The following ZNF536 variants were observed in gnomAD, a reference collection of about 807,000 sequenced individuals.
ZNF536 encodes the protein zinc finger protein 536.
Under a neutral mutation model 84.5 loss-of-function variants are expected in ZNF536, and 13 were observed. The observed-to-expected ratio is 0.15, with a 90% CI of 0.10 to 0.24. ZNF536 has a LOEUF of 0.24. Among genes scored for constraint, ZNF536 ranks in the 10% least tolerant of loss-of-function variants. ZNF536 has a pLI of 1.00. For missense variants in ZNF536, 1,536 were observed against 1,747.5 expected (o/e 0.88, Z 2.16); for synonymous variants, 811 against 742.5 (o/e 1.09, Z -1.50).
In ZNF536 at chr19:30,444,301, A is replaced by G. The variant is rs776933304; in HGVS notation, c.739A>G (p.Ser247Gly). 4 of 1,580,450 alleles carry G rather than the reference A, an allele frequency of 2.5e-6. No individual in the cohort carries two copies. In the South Asian group the frequency reaches 4.5e-5, roughly 18 times the overall value. Reference sequence around the variant, plus strand: ...CACCCTGGCCCTGCAGGCTAACCACAGCGTTCCCGACGTGGCCCACCCGGT... The same window carrying G: ...CACCCTGGCCCTGCAGGCTAACCACGGCGTTCCCGACGTGGCCCACCCGGT... ...ACTLALQANH[S>G]VPDVAHPVPS... The change falls in exon 2 of 5, where the codon AGC (serine) becomes GGC (glycine). Residue 247 changes from serine (S) to glycine (G), a missense_variant. This residue lies in a region of ZNF536 where 138 missense variants were observed against 136.8 expected (regional missense o/e 1.01). Coordinates refer to ENST00000355537, the MANE Select transcript of ZNF536 (RefSeq NM_014717.3).
intron 1 of ZNF536, among the ~76,000 whole-genome samples, chr19:30,571,376 A>G (rs140039386): frequency 2.0e-5 from 3 of 152,316 alleles, no homozygotes; most frequent in Non-Finnish European, 4.4e-5. Context: ...GGAATCTCCC[A>G]AAGAACTCCA....
At chr19:30,425,257 A>T (rs188362969) in intron 1 of ZNF536, among the ~76,000 whole-genome samples, 7 of 151,266 alleles carry the variant, frequency 4.6e-5, no homozygotes, top group East Asian at 2.0e-4. Context: ...AAAAACAAAG[A>T]TGGGAGTGCC....
chr19:30,605,913 A>T (rs2047852355), intron 1 of ZNF536, among the ~76,000 whole-genome samples: 1 of 152,026 alleles, frequency 6.6e-6, no homozygotes, highest in Non-Finnish European at 1.5e-5. Flanking sequence ...AGGGAGTCAA[A>T]TTGCTACTTA....
intron 2 of ZNF536, among the ~76,000 whole-genome samples, chr19:30,455,127 G>A (rs2052780155): frequency 2.6e-5 from 4 of 152,118 alleles, no homozygotes; most frequent in Admixed American, 2.6e-4. Flanking sequence ...TGCTGTTGTT[G>A]TTCAATGACT....
chr19:30,640,907 T>A (rs2049244795), intron 1 of ZNF536, among the ~76,000 whole-genome samples: 1 of 152,168 alleles, frequency 6.6e-6, no homozygotes, highest in Non-Finnish European at 1.5e-5. Context: ...CTGGGGCACA[T>A]CCTGGTTTGG....
chr19:30,559,377 T>G (rs1017169135), downstream of ZNF536, among the ~76,000 whole-genome samples: 35 of 152,316 alleles, frequency 2.3e-4, no homozygotes, highest in African/African-American at 8.4e-4. Context: ...CCACTGCCAG[T>G]GTATATAGGC....
intron 1 of ZNF536, among the ~76,000 whole-genome samples, chr19:30,396,681 A>G (rs1379034727): frequency 6.8e-6 from 1 of 147,012 alleles, no homozygotes; most frequent in Non-Finnish European, 1.5e-5. Context: ...GCTCACTGCA[A>G]CCTCTGCCCC....
intron 2 of ZNF536, among the ~76,000 whole-genome samples, chr19:30,499,043 T>C (rs975890693): frequency 1.3e-5 from 2 of 151,986 alleles, no homozygotes; most frequent in African/African-American, 4.8e-5. Context: ...CTTTTTTTTT[T>C]TTTCAAATGC....
intron 1 of ZNF536, among the ~76,000 whole-genome samples, chr19:30,565,771 T>C (rs951916852): frequency 2.0e-5 from 3 of 152,098 alleles, no homozygotes; most frequent in African/African-American, 7.2e-5. Flanking sequence ...CGCCTCAGGT[T>C]ATGACCTTCC....
In ZNF536 at chr19:30,703,693, A is replaced by C. The variant is rs75210636; in HGVS notation, c.170-7064A>C. Among the ~76,000 whole-genome samples the C allele has an allele frequency of 2.6e-5, 4 of 152,330 alleles. No individual in the cohort carries two copies. The East Asian group carries it at 7.7e-4, about 29-fold the overall frequency. On this transcript the variant is annotated intron_variant, in intron 1 of 1. Transcript: ENST00000592773. ...GTACTTTCGATGAAGAACCAGGCAG[A>C]GCTTCCCCTGAGTCAGCTTAGATCA...
At chr19:30,602,782 A>T (rs1402214397) in intron 1 of ZNF536, among the ~76,000 whole-genome samples, 27 of 152,128 alleles carry the variant, frequency 1.8e-4, no homozygotes, top group Admixed American at 1.8e-3. Flanking sequence ...AAAGGCGGAG[A>T]GGTGTTTTCT....
chr19:30,554,910 T>A (rs1274699041), intron 4 of ZNF536: 1 of 152,226 alleles, frequency 6.6e-6, no homozygotes, highest in East Asian at 1.9e-4. Flanking sequence ...GAGATGGTGA[T>A]GGGAGACCCC....
At chr19:30,561,858 A>T (rs184098280), downstream of ZNF536, among the ~76,000 whole-genome samples, 2 of 152,328 alleles carry the variant, frequency 1.3e-5, no homozygotes, top group African/African-American at 4.8e-5. Flanking sequence ...TAATCAGATA[A>T]TCAGAAGGGA....
chr19:30,571,306 C>T (rs2046537241), intron 1 of ZNF536, among the ~76,000 whole-genome samples: 1 of 151,972 alleles, frequency 6.6e-6, no homozygotes, highest in African/African-American at 2.4e-5. Context: ...TTGAGAGGGG[C>T]CAAAAGGCAG....
At chr19:30,565,046 C>T (rs540638675) in intron 1 of ZNF536, among the ~76,000 whole-genome samples, 13 of 152,268 alleles carry the variant, frequency 8.5e-5, no homozygotes, top group African/African-American at 2.4e-4. Context: ...TTAAGATGCA[C>T]TTCTGTTTGT....
chr19:30,440,976 A>C (rs1024698390), intron 1 of ZNF536, among the ~76,000 whole-genome samples: 3 of 152,138 alleles, frequency 2.0e-5, no homozygotes, highest in African/African-American at 7.2e-5. Flanking sequence ...CTCAAACCAA[A>C]TCTGAAAACT....
intron 2 of ZNF536, among the ~76,000 whole-genome samples, chr19:30,485,590 A>G (rs1205534322): frequency 2.8e-5 from 4 of 142,820 alleles, no homozygotes; most frequent in African/African-American, 8.4e-5. Context: ...CAAGCAGTGG[A>G]TCTTTTTTTC....
In ZNF536 at chr19:30,511,496, A is replaced by C. The variant is rs537628030; in HGVS notation, c.2171-23351A>C. ...AGTTTGTGGGTCTGTCTGGGGTGCT[A>C]GTAAAAGAGGGGAAGGAATGGAACG... On this transcript the variant is annotated intron_variant, in intron 2 of 4. Transcript: ENST00000355537. 1.5e-4 allele frequency among the ~76,000 whole-genome samples: 23 copies of C among 152,210 alleles called. No individual in the cohort carries two copies. In the East Asian group the frequency reaches 4.3e-3, roughly 28 times the overall value.
At chr19:30,230,643 C>T (rs1265161321) in intron 1 of ZNF536, among the ~76,000 whole-genome samples, 1 of 152,184 alleles carries the variant, frequency 6.6e-6, no homozygotes, top group Admixed American at 6.5e-5. Flanking sequence ...CACAGTTGCC[C>T]ATAGGGTACT....
Sources: allele counts gnomAD v4.1 joint callset (sites outside exome capture counted in the v4.1 genomes callset), GRCh38; gene constraint gnomAD v4.1.1; regional missense constraint gnomAD v4.1.1; transcripts MANE v1.5; gene names NCBI Gene and HGNC (gene_info 2026-07-23, HGNC 2026-07-21).